The following NKAIN3 variants were observed in gnomAD, a reference collection of about 807,000 sequenced individuals.
The protein encoded by NKAIN3 is sodium/potassium transporting ATPase interacting 3.
Under a neutral mutation model 30.2 loss-of-function variants are expected in NKAIN3, and 25 were observed. The observed-to-expected ratio is 0.83, with a 90% CI of 0.60 to 1.16. The LOEUF is 1.16. NKAIN3 is among the 50% of genes most tolerant of loss of function. The pLI, the probability that NKAIN3 is intolerant of heterozygous loss-of-function variation, is 0.00. For synonymous variants in NKAIN3, 91 were observed against 89.6 expected (o/e 1.02, Z -0.09); for missense variants, 225 against 254.1 (o/e 0.89, Z 0.78).
chr8:62,595,513 C>G (rs542916864), intron 3 of NKAIN3, among the ~76,000 whole-genome samples: 6 of 151,488 alleles, frequency 4.0e-5, no homozygotes, highest in Admixed American at 4.0e-4. Flanking sequence ...GTTTATATCC[C>G]GATCCTTGTC....
intron 5 of NKAIN3, among the ~76,000 whole-genome samples, chr8:62,950,800 T>C (rs1357901761): frequency 6.6e-6 from 1 of 152,212 alleles, no homozygotes; most frequent in African/African-American, 2.4e-5. Context: ...GTTTAGACTT[T>C]GTCCTACATT....
Position 62,799,501 on chromosome 8 carries a change from C to T in NKAIN3, c.471+52372C>T, listed in dbSNP as rs578248886. ...AAATCAAAACCACAATGTGATACCACCTAACTCCTGCAAGAATGGACATAA... is the reference window on the plus strand; with the variant it reads ...AAATCAAAACCACAATGTGATACCATCTAACTCCTGCAAGAATGGACATAA... On this transcript the variant is annotated intron_variant, in intron 4 of 6. Coordinates refer to ENST00000623646, the MANE Select transcript of NKAIN3 (RefSeq NM_001304533.3). Among the ~76,000 whole-genome samples the T allele has an allele frequency of 1.8e-4, 28 of 152,188 alleles. No homozygotes were observed. In the South Asian group the frequency reaches 2.5e-3, roughly 14 times the overall value.
At chr8:62,292,163 C>T (rs974613500) in intron 1 of NKAIN3, among the ~76,000 whole-genome samples, 27 of 150,880 alleles carry the variant, frequency 1.8e-4, no homozygotes, top group African/African-American at 6.5e-4. Context: ...CTGAATGCAG[C>T]ACACTGATGG....
At chr8:62,562,818 C>A (rs1809629896) in intron 1 of NKAIN3, among the ~76,000 whole-genome samples, 1 of 152,018 alleles carries the variant, frequency 6.6e-6, no homozygotes, top group Non-Finnish European at 1.5e-5. Flanking sequence ...CTAGTTCTTG[C>A]TGAAAATGTG....
chr8:62,377,834 A>G (rs1327209001), intron 1 of NKAIN3, among the ~76,000 whole-genome samples: 10 of 152,172 alleles, frequency 6.6e-5, no homozygotes, highest in Admixed American at 6.5e-4. Flanking sequence ...CTATGAGTCA[A>G]TTAAACCTCT....
chr8:62,928,983 G>T (rs1014930294), intron 5 of NKAIN3, among the ~76,000 whole-genome samples: 2 of 152,168 alleles, frequency 1.3e-5, no homozygotes, highest in African/African-American at 4.8e-5. Flanking sequence ...CAAGCATTCA[G>T]CAAACAGAAG....
chr8:62,706,682 T>G (rs1351401682), intron 3 of NKAIN3, among the ~76,000 whole-genome samples: 1 of 152,128 alleles, frequency 6.6e-6, no homozygotes, highest in Non-Finnish European at 1.5e-5. Flanking sequence ...ATTTACTTAT[T>G]TATTATTTTT....
At chr8:62,929,540 T>A (rs1020675346) in intron 5 of NKAIN3, among the ~76,000 whole-genome samples, 3 of 152,230 alleles carry the variant, frequency 2.0e-5, no homozygotes, top group Non-Finnish European at 2.9e-5. Context: ...GACTGTGTTT[T>A]CCTCCTAACT....
At chr8:62,734,673 A>G (rs982208929) in intron 3 of NKAIN3, among the ~76,000 whole-genome samples, 2 of 152,224 alleles carry the variant, frequency 1.3e-5, no homozygotes, top group Admixed American at 6.5e-5. Flanking sequence ...ACAGTCACGG[A>G]AAGGAGAATG....
At chr8:62,753,956 C>T (rs538810009) in intron 4 of NKAIN3, among the ~76,000 whole-genome samples, 1 of 152,088 alleles carries the variant, frequency 6.6e-6, no homozygotes, top group South Asian at 2.1e-4. Flanking sequence ...ATATATAAAA[C>T]ATGAAACAGT....
chr8:62,687,918 C>T (rs1037533489), intron 3 of NKAIN3, among the ~76,000 whole-genome samples: 1 of 152,134 alleles, frequency 6.6e-6, no homozygotes, highest in Admixed American at 6.5e-5. Context: ...AGCACAATAG[C>T]AAACATCTGC....
intron 3 of NKAIN3, among the ~76,000 whole-genome samples, chr8:62,738,732 T>A (rs1815761090): frequency 6.6e-6 from 1 of 152,200 alleles, no homozygotes; most frequent in African/African-American, 2.4e-5. Context: ...ATTTGCCCTT[T>A]GTCAGATTGA....
intron 2 of NKAIN3, among the ~76,000 whole-genome samples, chr8:62,584,756 G>C (rs1810416835): frequency 6.6e-6 from 1 of 152,184 alleles, no homozygotes; most frequent in Non-Finnish European, 1.5e-5. Context: ...GGCCTTGCCT[G>C]ACCACTGAAT....
intron 1 of NKAIN3, among the ~76,000 whole-genome samples, chr8:62,542,304 C>A (rs1369294619): frequency 6.6e-6 from 1 of 152,180 alleles, no homozygotes; most frequent in Non-Finnish European, 1.5e-5. Context: ...AGTGTTCCAT[C>A]TTCTGCCAGA....
intron 4 of NKAIN3, among the ~76,000 whole-genome samples, chr8:62,803,268 T>C (rs1818138905): frequency 1.3e-5 from 2 of 152,148 alleles, no homozygotes; most frequent in African/African-American, 4.8e-5. Flanking sequence ...GGGGACCTAA[T>C]AGACATCTAC....
intron 4 of NKAIN3, chr8:62,863,645 G>C: frequency 7.8e-7 from 1 of 1,279,556 alleles, no homozygotes; most frequent in Non-Finnish European, 1.1e-6. Flanking sequence ...TGGGTCACTG[G>C]GATAACTTTC....
At position 62,371,678 on chromosome 8, in the gene NKAIN3, G is replaced by C. The variant is rs115465436; in HGVS notation, c.54+122551G>C. Among the ~76,000 whole-genome samples the C allele has an allele frequency of 3.2e-4, 48 of 151,642 alleles. No individual in the cohort carries two copies. In the South Asian group the frequency reaches 9.5e-3, roughly 30 times the overall value. On this transcript the variant is annotated intron_variant, in intron 1 of 6. Coordinates refer to ENST00000623646, the MANE Select transcript of NKAIN3 (RefSeq NM_001304533.3). ...AACTTGAATTCATTCTTTATTTCAC[G>C]TACCTCCATTTATTTAATACACTTT... is the stretch of plus-strand genomic sequence containing the variant.
rs1210987874 is a variant in NKAIN3 at position 62,976,839 on chromosome 8, T to A, written c.*11432T>A. Among the ~76,000 whole-genome samples the A allele has an allele frequency of 6.6e-6, 1 of 152,220 alleles. No individual in the cohort carries two copies. The highest frequency in any genetic ancestry group is 1.5e-5 in the Non-Finnish European group (1 of 68,038). On this transcript the variant is annotated 3_prime_UTR_variant, in exon 7 of 7. Coordinates refer to ENST00000623646, the MANE Select transcript of NKAIN3 (RefSeq NM_001304533.3). The stretch of plus-strand genomic sequence containing the variant: ...CTGGTACTGGTTGTTCCTTTCCATA[T>A]TTAGTACTTCTTTCAGAAGCTCTTG...
At chr8:62,611,941 G>T (rs1057331259) in intron 3 of NKAIN3, among the ~76,000 whole-genome samples, 2 of 151,822 alleles carry the variant, frequency 1.3e-5, no homozygotes, top group Admixed American at 6.6e-5. Context: ...TCACATCCTT[G>T]CCAGCATTTG....
Sources: allele counts gnomAD v4.1 joint callset (sites outside exome capture counted in the v4.1 genomes callset), GRCh38; gene constraint gnomAD v4.1.1; transcripts MANE v1.5; gene names NCBI Gene and HGNC (gene_info 2026-07-23, HGNC 2026-07-21).